The following APBA2 variants were observed in gnomAD, a reference collection of about 807,000 sequenced individuals.
APBA2 encodes the protein amyloid-beta A4 precursor protein-binding family A member 2.
Under a neutral mutation model 75.0 loss-of-function variants are expected in APBA2, and 30 were observed. The ratio of observed to expected loss-of-function variants is 0.40; its 90% CI spans 0.30 to 0.54. The LOEUF (loss-of-function observed/expected upper bound fraction) is 0.54. Among genes scored for constraint, APBA2 ranks in the 20% least tolerant of loss-of-function variants. The pLI, the probability that APBA2 is intolerant of heterozygous loss-of-function variation, is 0.49. For synonymous variants in APBA2, 444 were observed against 409.6 expected (o/e 1.08, Z -1.01); for missense variants, 801 against 1,016.1 (o/e 0.79, Z 2.88).
chr15:29,088,053 C>T (rs932523452), intron 6 of APBA2, among the ~76,000 whole-genome samples: 1 of 152,170 alleles, frequency 6.6e-6, no homozygotes, highest in South Asian at 2.1e-4. Context: ...ACCTCCCCTG[C>T]ACCTCTCAGC....
chr15:29,097,585 A>G (rs1045652956), intron 8 of APBA2, among the ~76,000 whole-genome samples: 4 of 152,244 alleles, frequency 2.6e-5, no homozygotes, highest in Non-Finnish European at 5.9e-5. Flanking sequence ...ACAACATAAT[A>G]TTTTGGAGCA....
chr15:29,116,488 T>C (rs564214011), intron 14 of APBA2, among the ~76,000 whole-genome samples: 14 of 150,686 alleles, frequency 9.3e-5, no homozygotes, highest in African/African-American at 2.7e-4. Flanking sequence ...ATTCGCTGGG[T>C]GTGGTGGCGG....
intron 3 of APBA2, among the ~76,000 whole-genome samples, chr15:29,033,172 T>A (rs2040567890): frequency 6.6e-6 from 1 of 152,152 alleles, no homozygotes; most frequent in Non-Finnish European, 1.5e-5. Context: ...GGAGAAGGTC[T>A]GCACTAGACA....
At chr15:29,034,264 C>T (rs1190224576) in intron 3 of APBA2, among the ~76,000 whole-genome samples, 5 of 152,138 alleles carry the variant, frequency 3.3e-5, no homozygotes, top group Admixed American at 6.6e-5. Context: ...GCTGGTAGCC[C>T]GTGTCTCCTG....
At chr15:29,072,142 G>A (rs1445629366) in intron 4 of APBA2, among the ~76,000 whole-genome samples, 4 of 152,128 alleles carry the variant, frequency 2.6e-5, no homozygotes, top group East Asian at 3.9e-4. Flanking sequence ...ATTAAATCCC[G>A]CCCAGCTTGC....
intron 8 of APBA2, among the ~76,000 whole-genome samples, chr15:29,098,089 G>C (rs1214925734): frequency 6.6e-6 from 1 of 152,204 alleles, no homozygotes; most frequent in Non-Finnish European, 1.5e-5. Context: ...CTTGGCTGTT[G>C]TGGATAGTGC....
chr15:29,005,413 A>G (rs2039063155), intron 3 of APBA2, among the ~76,000 whole-genome samples: 1 of 152,024 alleles, frequency 6.6e-6, no homozygotes, highest in East Asian at 1.9e-4. Context: ...GGCACACACC[A>G]CCACACCCAG....
chr15:29,116,454 G>A (rs921548032), intron 14 of APBA2, among the ~76,000 whole-genome samples: 3 of 151,976 alleles, frequency 2.0e-5, no homozygotes, highest in African/African-American at 2.4e-5. Context: ...GTGAAACCCC[G>A]TCTCTGCTAA....
intron 3 of APBA2, among the ~76,000 whole-genome samples, chr15:29,008,938 T>C (rs1407177054): frequency 6.6e-6 from 1 of 152,170 alleles, no homozygotes; most frequent in Non-Finnish European, 1.5e-5. Context: ...TGTTCTCTAG[T>C]GTGAGTTAAC....
chr15:28,929,255 G>A (rs2034437343), intron 2 of APBA2, among the ~76,000 whole-genome samples: 1 of 152,124 alleles, frequency 6.6e-6, no homozygotes, highest in African/African-American at 2.4e-5. Context: ...GTGTTCCCTT[G>A]CGTCCTTGCA....
At chr15:28,937,253 T>A (rs1364701035) in intron 2 of APBA2, among the ~76,000 whole-genome samples, 1 of 151,876 alleles carries the variant, frequency 6.6e-6, no homozygotes, top group African/African-American at 2.4e-5. Flanking sequence ...TTCCTGCCTC[T>A]TCTAGTTCCT....
chr15:28,920,974 C>A (rs562286695), intron 1 of APBA2, among the ~76,000 whole-genome samples: 1 of 152,074 alleles, frequency 6.6e-6, no homozygotes, highest in Non-Finnish European at 1.5e-5. Context: ...GCTGGCTGAG[C>A]GCTGATGGCC....
At chr15:29,004,567 T>G (rs553107093) in intron 3 of APBA2, among the ~76,000 whole-genome samples, 31 of 152,264 alleles carry the variant, frequency 2.0e-4, no homozygotes, top group Non-Finnish European at 4.0e-4. Context: ...GCCTCTGTGT[T>G]CTTTATTAGC....
chr15:28,947,033 T>C (rs17567536), intron 2 of APBA2, among the ~76,000 whole-genome samples: 3,470 of 152,298 alleles, frequency 0.023, 63 homozygotes, highest in Non-Finnish European at 0.031. Context: ...GATCAGTTGT[T>C]CTCTCCCATC....
intron 2 of APBA2, among the ~76,000 whole-genome samples, chr15:28,954,338 C>T (rs1416100498): frequency 2.0e-5 from 3 of 152,172 alleles, no homozygotes; most frequent in Non-Finnish European, 4.4e-5. Flanking sequence ...CAGAGCTCTC[C>T]GTTCCCTGGC....
chr15:28,916,960 G>A (rs976792430), intron 1 of APBA2, among the ~76,000 whole-genome samples: 2 of 152,140 alleles, frequency 1.3e-5, no homozygotes, highest in Non-Finnish European at 2.9e-5. Flanking sequence ...GATAGAGAAT[G>A]CTGAATTGCC....
At chr15:29,088,645 G>A (rs1161225165) in intron 6 of APBA2, among the ~76,000 whole-genome samples, 3 of 152,166 alleles carry the variant, frequency 2.0e-5, no homozygotes, top group African/African-American at 7.2e-5. Context: ...GATGGCTACA[G>A]TAGCCTCTCA....
intron 1 of APBA2, among the ~76,000 whole-genome samples, chr15:28,897,385 G>A (rs1212455790): frequency 6.6e-6 from 1 of 152,124 alleles, no homozygotes; most frequent in East Asian, 1.9e-4. Flanking sequence ...TGAAGCTGAG[G>A]CGGGTGGATC....
intron 2 of APBA2, among the ~76,000 whole-genome samples, chr15:28,969,925 C>T (rs150841274): frequency 6.2e-4 from 94 of 152,350 alleles, no homozygotes; most frequent in African/African-American, 2.1e-3. Context: ...CCAGGCCGGG[C>T]GGGCAGAGCC....
Sources: gnomAD v4.1 joint callset for allele counts (sites outside exome capture counted in the v4.1 genomes callset) on GRCh38, gnomAD v4.1.1 for gene constraint, MANE v1.5 for transcripts, NCBI Gene and HGNC (gene_info 2026-07-23, HGNC 2026-07-21) for gene names.